C7orf33: variants seen among roughly 807,000 people sequenced by gnomAD.
C7orf33 encodes chromosome 7 open reading frame 33, also known as uncharacterized protein C7orf33.
C7orf33 carries 15 observed loss-of-function variants against 13.4 expected under a neutral mutation model. That is an observed-to-expected ratio of 1.12 (90% CI 0.75 to 1.72). The LOEUF is 1.72. Ranked by LOEUF, C7orf33 falls within the 40% of genes most tolerant of loss-of-function variation. C7orf33 has a pLI of 0.00. For missense variants in C7orf33, 187 were observed against 220.3 expected (o/e 0.85, Z 0.96); for synonymous variants, 73 against 83.2 (o/e 0.88, Z 0.67).
intron 2 of C7orf33, 99 bp from the exon 3 acceptor site, chr7:148,615,228 C>A (rs1563125625): frequency 4.9e-6 from 4 of 814,206 alleles, no homozygotes; most frequent in East Asian, 5.4e-5. Context: ...CATGAGCCAC[C>A]ATGCCAGGCT....
In C7orf33 at chr7:148,591,061, G is replaced by C. The variant is rs756799041; in HGVS notation, c.136G>C (p.Ala46Pro). 1 of 1,614,048 alleles carries C rather than the reference G, an allele frequency of 6.2e-7. No individual in the cohort carries two copies. Among genetic ancestry groups the C allele is most frequent in the South Asian group, 1.1e-5 (1 of 91,052 alleles). The change falls in exon 1 of 3, where the codon GCT becomes CCT. Residue 46 changes from alanine to proline, a missense_variant. By Grantham distance (27) the Ala-to-Pro change is conservative. Coordinates refer to ENST00000307003, the MANE Select transcript of C7orf33 (RefSeq NM_145304.4). The part of the protein sequence containing the change: ...IDLRLSGRAV[A>P]VWVHVRGGPG... ...CCTTCGCCTGAGTGGGAGGGCAGTCGCTGTTTGGGTCCACGTTAGGGGCGG... is the reference window on the plus strand; with the variant it reads ...CCTTCGCCTGAGTGGGAGGGCAGTCCCTGTTTGGGTCCACGTTAGGGGCGG...
intron 1 of C7orf33, among the ~76,000 whole-genome samples, chr7:148,599,513 G>A (rs1314678821): frequency 7.8e-6 from 1 of 127,780 alleles, no homozygotes; most frequent in Non-Finnish European, 1.6e-5. Context: ...TTGCTCTATC[G>A]CCCAGGCTGG....
chr7:148,599,768 C>T (rs1796392163), intron 1 of C7orf33, among the ~76,000 whole-genome samples: 1 of 152,120 alleles, frequency 6.6e-6, no homozygotes, highest in Admixed American at 6.5e-5. Flanking sequence ...CCACCACGCC[C>T]AGCCTAGAAT....
At position 148,606,153 on chromosome 7, in the gene C7orf33, C is replaced by A. The variant is rs112180769; in HGVS notation, c.205-7889C>A. Among the ~76,000 whole-genome samples the A allele has an allele frequency of 1.7e-3, 256 of 152,280 alleles. 1 individual carries two copies. Among genetic ancestry groups the A allele is most frequent in the Non-Finnish European group, 3.0e-3 (204 of 68,026 alleles). ...GAACAGACAGATAAGGCTCGCTCTG[C>A]AGATAGGTAGGGACAGGACAGTAAA... On this transcript the variant is annotated intron_variant, in intron 1 of 2. Transcript: ENST00000307003.
Position 148,615,565 on chromosome 7 carries a change from C to A in C7orf33, c.*164C>A. On this transcript the variant is annotated 3_prime_UTR_variant, in exon 3 of 3. Transcript: ENST00000307003. ...AACACCAGCAGACAGGCTGAGAATTCTCTTTGATCATGAGCCCAAGTTCCA... is the reference window on the plus strand; with the variant it reads ...AACACCAGCAGACAGGCTGAGAATTATCTTTGATCATGAGCCCAAGTTCCA... The A allele has an allele frequency of 1.9e-6, 1 of 533,126 alleles. No homozygotes were observed. Among genetic ancestry groups the A allele is most frequent in the Non-Finnish European group, 3.4e-6 (1 of 293,758 alleles). The allele number at this position is 533,126 out of a possible 1,614,324, so 33.0% of individuals were successfully genotyped here.
intron 1 of C7orf33, among the ~76,000 whole-genome samples, chr7:148,595,148 C>T (rs1256723812): frequency 1.3e-5 from 2 of 151,104 alleles, no homozygotes; most frequent in African/African-American, 4.9e-5. Flanking sequence ...CGGCTCACTG[C>T]AGCCTTGACC....
intron 2 of C7orf33, 142 bp downstream of exon 2, chr7:148,614,438 A>C: frequency 1.0e-6 from 1 of 1,004,412 alleles, no homozygotes. Context: ...TCCAGCATGA[A>C]ACTGATCTGA....
At chr7:148,599,280 G>A (rs1193028613) in intron 1 of C7orf33, among the ~76,000 whole-genome samples, 1 of 152,066 alleles carries the variant, frequency 6.6e-6, no homozygotes, top group African/African-American at 2.4e-5. Flanking sequence ...GAAATCTTAA[G>A]AAACGGGTCT....
chr7:148,606,494 A>G (rs1796474202), intron 1 of C7orf33, among the ~76,000 whole-genome samples: 1 of 152,204 alleles, frequency 6.6e-6, no homozygotes, highest in Non-Finnish European at 1.5e-5. Context: ...AAACATTGAT[A>G]TTACAAACAA....
chr7:148,598,660 A>C (rs35748198), intron 1 of C7orf33, among the ~76,000 whole-genome samples: 19,429 of 141,408 alleles, frequency 0.14, 1,457 homozygotes, highest in Middle Eastern at 0.24. Context: ...CTCTCTCTAT[A>C]TATATATACA....
chr7:148,594,263 C>A (rs1319143415), intron 1 of C7orf33, among the ~76,000 whole-genome samples: 2 of 151,368 alleles, frequency 1.3e-5, no homozygotes, highest in South Asian at 4.2e-4. Flanking sequence ...GCAAGCTCCG[C>A]CTCCCGGGTT....
rs531008183 is a variant in C7orf33, at chr7:148,606,848, A to C, written c.205-7194A>C. Among the ~76,000 whole-genome samples, 4 of 151,758 alleles carry C rather than the reference A, an allele frequency of 2.6e-5. No individual in the cohort carries two copies. The East Asian group carries it at 7.8e-4, about 29-fold the overall frequency. On this transcript the variant is annotated intron_variant, in intron 1 of 2. Coordinates refer to ENST00000307003, the MANE Select transcript of C7orf33 (RefSeq NM_145304.4). Reference sequence around the variant, plus strand: ...GTGATCCACCCACGTTGGCCTCCCAAAGTGCTGGGATGACAGGCGTGAGCC... The same window carrying C: ...GTGATCCACCCACGTTGGCCTCCCACAGTGCTGGGATGACAGGCGTGAGCC...
chr7:148,598,706 A>T (rs987735798), intron 1 of C7orf33, among the ~76,000 whole-genome samples: 3 of 140,072 alleles, frequency 2.1e-5, no homozygotes, highest in African/African-American at 5.2e-5. Flanking sequence ...GTATATATAT[A>T]AAAAAAATTT....
intron 1 of C7orf33, among the ~76,000 whole-genome samples, chr7:148,604,119 T>C (rs1342095890): frequency 8.0e-6 from 1 of 125,528 alleles, no homozygotes; most frequent in Non-Finnish European, 1.6e-5. Flanking sequence ...GGACCATTAT[T>C]CTTTTTTTTT....
chr7:148,598,749 TATATATATATATATAGAGAGAGAGAGAG>T (rs1380932771), intron 1 of C7orf33, among the ~76,000 whole-genome samples: 25 of 71,252 alleles, frequency 3.5e-4, no homozygotes, highest in African/African-American at 1.2e-3. Context: ...TATATATATA[TATATATATATATATAGAGAGAGAGAGAG>T]AGAGAGAGAG....
At chr7:148,592,353 T>C (rs1031139183) in intron 1 of C7orf33, among the ~76,000 whole-genome samples, 1 of 152,124 alleles carries the variant, frequency 6.6e-6, no homozygotes, top group East Asian at 1.9e-4. Context: ...CAGCCAGGGG[T>C]ACTTTGATGT....
At chr7:148,597,142 T>C in intron 1 of C7orf33, among the ~76,000 whole-genome samples, 1 of 151,904 alleles carries the variant, frequency 6.6e-6, no homozygotes, top group Non-Finnish European at 1.5e-5. Flanking sequence ...GGATATTTTG[T>C]GAGGACCTAA....
intron 2 of C7orf33, among the ~76,000 whole-genome samples, 194 bp downstream of exon 2, chr7:148,614,490 G>C (rs967055224): frequency 3.3e-5 from 5 of 152,166 alleles, no homozygotes; most frequent in African/African-American, 9.7e-5. Context: ...TAAGATAAAA[G>C]AAAGTGCCCC....
chr7:148,604,042 A>G (rs879798325), intron 1 of C7orf33, among the ~76,000 whole-genome samples: 1 of 152,196 alleles, frequency 6.6e-6, no homozygotes, highest in Non-Finnish European at 1.5e-5. Context: ...TATGTATCCC[A>G]TGGAATACTA....
Sources: gnomAD v4.1 joint callset for allele counts (sites outside exome capture counted in the v4.1 genomes callset) on GRCh38, gnomAD v4.1.1 for gene constraint, MANE v1.5 for transcripts, NCBI Gene and HGNC (gene_info 2026-07-23, HGNC 2026-07-21) for gene names.